The following TRAF3IP1 variants were observed in gnomAD, a reference collection of about 807,000 sequenced individuals.
TRAF3IP1 encodes intraflagellar transport 54.
In TRAF3IP1, 53 loss-of-function variants were observed where a neutral mutation model predicts 89.9. The ratio of observed to expected loss-of-function variants is 0.59; its 90% CI spans 0.47 to 0.74. The LOEUF is 0.74. TRAF3IP1 is among the 30% of genes least tolerant of loss of function. TRAF3IP1 has a pLI of 0.00. For synonymous variants in TRAF3IP1, 311 were observed against 322.1 expected (o/e 0.97, Z 0.37); for missense variants, 806 against 866.1 (o/e 0.93, Z 0.87).
chr2:238,347,124 C>T (rs1015317457), intron 9 of TRAF3IP1: 9 of 277,300 alleles, frequency 3.2e-5, no homozygotes, highest in Non-Finnish European at 4.1e-5. Context: ...CATTTGGATG[C>T]ACTTTTTCTG....
intron 7 of TRAF3IP1, among the ~76,000 whole-genome samples, chr2:238,337,357 A>G (rs534700121): frequency 2.6e-5 from 4 of 152,206 alleles, no homozygotes; most frequent in African/African-American, 9.6e-5. Context: ...AGGTGGGTGG[A>G]GAGAGGAACA....
At chr2:238,367,316 G>A (rs1296115512) in intron 15 of TRAF3IP1, among the ~76,000 whole-genome samples, 1 of 152,098 alleles carries the variant, frequency 6.6e-6, no homozygotes, top group African/African-American at 2.4e-5. Flanking sequence ...AATCAAAGGG[G>A]ATGTGGCACA....
Position 238,351,343 on chromosome 2 carries a change from G to T in TRAF3IP1, c.1452-1484G>T, listed in dbSNP as rs771870734. Among the ~76,000 whole-genome samples, 3 of 151,946 alleles carry T rather than the reference G, an allele frequency of 2.0e-5. No homozygotes were observed. The highest frequency in any genetic ancestry group is 1.9e-4 in the East Asian group (1 of 5,170). Reference sequence around the variant, plus strand: ...TGGCAGCTGATGGCAGCAATGATGGGGTCGAGGGTGACAAGATTTAAAGTT... The same window carrying T: ...TGGCAGCTGATGGCAGCAATGATGGTGTCGAGGGTGACAAGATTTAAAGTT... On this transcript the variant is annotated intron_variant, in intron 12 of 16. Transcript: ENST00000373327. The surrounding 1 kb of genome is among the most constrained non-coding windows in gnomAD (Gnocchi z 5.2).
At chr2:238,378,822 G>T (rs944624762) in intron 15 of TRAF3IP1, among the ~76,000 whole-genome samples, 1 of 152,174 alleles carries the variant, frequency 6.6e-6, no homozygotes, top group Admixed American at 6.5e-5. Context: ...AGGCTGCTGG[G>T]TCAGAAGCCT....
At chr2:238,340,764 C>A (rs1471986128) in intron 8 of TRAF3IP1, among the ~76,000 whole-genome samples, 1 of 148,034 alleles carries the variant, frequency 6.8e-6, no homozygotes, top group Non-Finnish European at 1.5e-5. Flanking sequence ...ACCTCTCACC[C>A]AGATTCACTA....
intron 15 of TRAF3IP1, among the ~76,000 whole-genome samples, chr2:238,396,146 T>C (rs1466187908): frequency 6.6e-6 from 1 of 151,994 alleles, no homozygotes; most frequent in Non-Finnish European, 1.5e-5. Flanking sequence ...CCAACAACGA[T>C]AGACTGGATT....
At chr2:238,365,782 T>C (rs1001920345) in intron 15 of TRAF3IP1, among the ~76,000 whole-genome samples, 2 of 152,166 alleles carry the variant, frequency 1.3e-5, no homozygotes, top group African/African-American at 2.4e-5. Flanking sequence ...AAGGGTTATA[T>C]GGTGGGGTTT....
At position 238,320,759 on chromosome 2, in the gene TRAF3IP1, C is replaced by G. The variant is rs1222196969; in HGVS notation, c.97C>G (p.Arg33Gly). The G allele has an allele frequency of 1.4e-6, 2 of 1,436,704 alleles. No homozygotes were observed. The highest frequency in any genetic ancestry group is 1.8e-6 in the Non-Finnish European group (2 of 1,082,214). The allele number at this position is 1,436,704 out of a possible 1,614,324, so 89.0% of individuals were successfully genotyped here. Reference sequence around the variant, plus strand: ...GAAGCTGCTGAGCAAGCCCCCGTTCCGCTACCTGCACGACATCATCACGGA... The same window carrying G: ...GAAGCTGCTGAGCAAGCCCCCGTTCGGCTACCTGCACGACATCATCACGGA... The part of the protein sequence containing the change: ...TEKLLSKPPF[R>G]YLHDIITEVI... Residue 33 changes from arginine to glycine, a missense_variant, in exon 1 of 17, where the codon CGC becomes GGC. By Grantham distance (125) the Arg-to-Gly change is moderately radical. This residue lies in a region of TRAF3IP1 where 732 missense variants were observed against 780.5 expected (regional missense o/e 0.94). Coordinates refer to ENST00000373327, the MANE Select transcript of TRAF3IP1 (RefSeq NM_015650.4).
chr2:238,370,336 G>GT (rs1328435942), intron 15 of TRAF3IP1, among the ~76,000 whole-genome samples: 2 of 152,078 alleles, frequency 1.3e-5, no homozygotes, highest in Admixed American at 1.3e-4. Context: ...CTGTGTATGC[G>GT]TATGTGTGCG....
chr2:238,396,868 CCTGCTGGGTGCTGCTGGCTG>C, intron 15 of TRAF3IP1, among the ~76,000 whole-genome samples: 1 of 152,112 alleles, frequency 6.6e-6, no homozygotes, highest in Non-Finnish European at 1.5e-5. Context: ...TGACCATCTG[CCTGCTGGGTGCTGCTGGCTG>C]CTGCTGGCTG....
At chr2:238,376,041 C>CT (rs921018839) in intron 15 of TRAF3IP1, among the ~76,000 whole-genome samples, 22 of 152,280 alleles carry the variant, frequency 1.4e-4, no homozygotes, top group Admixed American at 1.2e-3. Flanking sequence ...GGTTAGCAAA[C>CT]TTTTTCCGTA....
At chr2:238,396,712 A>G (rs1235379306) in intron 15 of TRAF3IP1, among the ~76,000 whole-genome samples, 2 of 152,114 alleles carry the variant, frequency 1.3e-5, no homozygotes, top group Admixed American at 6.6e-5. Context: ...TCCTGGCCCA[A>G]ACCGCATGCA....
intron 8 of TRAF3IP1, among the ~76,000 whole-genome samples, chr2:238,340,912 C>T (rs1698622144): frequency 6.6e-6 from 1 of 151,934 alleles, no homozygotes; most frequent in African/African-American, 2.4e-5. Flanking sequence ...GGCTCGGGTA[C>T]AGTGGCATGA....
intron 14 of TRAF3IP1, among the ~76,000 whole-genome samples, chr2:238,355,624 C>T (rs1391126496): frequency 6.6e-6 from 1 of 152,252 alleles, no homozygotes; most frequent in African/African-American, 2.4e-5. Flanking sequence ...GTGGAATAGT[C>T]TTGCCCCAGT....
At chr2:238,349,878 T>C (rs1699069349) in intron 12 of TRAF3IP1, among the ~76,000 whole-genome samples, 2 of 152,182 alleles carry the variant, frequency 1.3e-5, no homozygotes, top group South Asian at 4.1e-4. Context: ...GAGACCAGCC[T>C]GGCCAATGTG....
chr2:238,376,910 A>G (rs1700338822), intron 15 of TRAF3IP1, among the ~76,000 whole-genome samples: 1 of 152,222 alleles, frequency 6.6e-6, no homozygotes, highest in Admixed American at 6.5e-5. Context: ...AACATAGGTC[A>G]TAGTGAGACT....
Position 238,351,759 on chromosome 2 carries a change from A to G in TRAF3IP1, c.1452-1068A>G, listed in dbSNP as rs377552292. Among the ~76,000 whole-genome samples, 2 of 151,330 alleles carry G rather than the reference A, an allele frequency of 1.3e-5. No homozygotes were observed. The highest frequency in any genetic ancestry group is 2.9e-5 in the Non-Finnish European group (2 of 67,850). On this transcript the variant is annotated intron_variant, in intron 12 of 16. Coordinates refer to ENST00000373327, the MANE Select transcript of TRAF3IP1 (RefSeq NM_015650.4). The surrounding 1 kb of genome is among the most constrained non-coding windows in gnomAD (Gnocchi z 5.2). Reference sequence around the variant, plus strand: ...GAGGATGTTTGGGGCAATGGGTGTTATTTTCAGAGGTCGTTCCCAAGTGTC... The same window carrying G: ...GAGGATGTTTGGGGCAATGGGTGTTGTTTTCAGAGGTCGTTCCCAAGTGTC...
intron 1 of TRAF3IP1, 94 bp downstream of exon 1, chr2:238,320,879 CG>C (rs1220121341): frequency 1.8e-6 from 2 of 1,096,022 alleles, no homozygotes; most frequent in Non-Finnish European, 2.3e-6. Context: ...GGGTGCGAGC[CG>C]GGCTCGGGCT....
At chr2:238,389,748 A>AAATAATAATAATAATAATAATAAT (rs71905391) in intron 15 of TRAF3IP1, among the ~76,000 whole-genome samples, 1 of 146,336 alleles carries the variant, frequency 6.8e-6, no homozygotes, top group African/African-American at 2.5e-5. Flanking sequence ...ACTCCATCTC[A>AAATAATAATAATAATAATAATAAT]AATAATAATA....
Sources: gnomAD v4.1 joint callset for allele counts (sites outside exome capture counted in the v4.1 genomes callset) on GRCh38, gnomAD v4.1.1 for gene constraint, gnomAD v4.1.1 regional missense constraint, Gnocchi (gnomAD v3.1) non-coding constraint, MANE v1.5 for transcripts, NCBI Gene and HGNC (gene_info 2026-07-23, HGNC 2026-07-21) for gene names.